Variants in SCN9A observed in about 807,000 individuals in gnomAD.
The protein encoded by SCN9A is sodium voltage-gated channel alpha subunit 9.
A neutral mutation model predicts 187.0 loss-of-function variants in SCN9A; 131 were observed. That is an observed-to-expected ratio of 0.70 (90% CI 0.61 to 0.81). SCN9A has a LOEUF of 0.81. Among genes scored for constraint, SCN9A ranks in the 30% least tolerant of loss-of-function variants. The probability of loss-of-function intolerance (pLI) is 0.00; values close to 1 mark genes in which losing one functional copy is unlikely to be tolerated. For synonymous variants in SCN9A, 809 were observed against 808.6 expected (o/e 1.00, Z -0.01); for missense variants, 2,252 against 2,396.6 (o/e 0.94, Z 1.26).
intron 1 of SCN9A, among the ~76,000 whole-genome samples, chr2:166,337,227 G>C (rs903122396): frequency 6.6e-6 from 1 of 152,102 alleles, no homozygotes; most frequent in South Asian, 2.1e-4. Flanking sequence ...TTACTTTCAG[G>C]TATCTGACTT....
intron 1 of SCN9A, among the ~76,000 whole-genome samples, chr2:166,312,440 T>C (rs1470555549): frequency 6.6e-6 from 1 of 152,148 alleles, no homozygotes; most frequent in African/African-American, 2.4e-5. Flanking sequence ...ATCACTGAAG[T>C]CTTAAACCTC....
At chr2:166,221,825 T>C (rs80066417) in intron 24 of SCN9A, among the ~76,000 whole-genome samples, 3,145 of 152,096 alleles carry the variant, frequency 0.021, 119 homozygotes, top group African/African-American at 0.073. Flanking sequence ...CATGCATAAA[T>C]AGTTAACTCA....
At chr2:166,368,699 A>AG (rs1209457892) in intron 1 of SCN9A, among the ~76,000 whole-genome samples, 44 of 151,202 alleles carry the variant, frequency 2.9e-4, no homozygotes, top group African/African-American at 8.7e-4. Context: ...AAAAAAAAAA[A>AG]AAAAGAGGCT....
At chr2:166,251,287 G>A (rs1250838897) in intron 18 of SCN9A, among the ~76,000 whole-genome samples, 1 of 152,006 alleles carries the variant, frequency 6.6e-6, no homozygotes, top group Non-Finnish European at 1.5e-5. Flanking sequence ...ATAGAGAGAG[G>A]AACTCAGAAC....
At chr2:166,263,007 C>T (rs951416220) in intron 17 of SCN9A, among the ~76,000 whole-genome samples, 2 of 151,944 alleles carry the variant, frequency 1.3e-5, no homozygotes, top group Non-Finnish European at 2.9e-5. Flanking sequence ...GCTGAAGGCT[C>T]ACATCTGAAT....
chr2:166,291,704 G>A (rs180916629), intron 9 of SCN9A, among the ~76,000 whole-genome samples: 9 of 152,280 alleles, frequency 5.9e-5, no homozygotes, highest in Admixed American at 4.6e-4. Flanking sequence ...AAACAGCATG[G>A]TAGTGGTACC....
intron 1 of SCN9A, among the ~76,000 whole-genome samples, chr2:166,358,434 T>C (rs1296018901): frequency 2.6e-5 from 4 of 152,248 alleles, no homozygotes; most frequent in Admixed American, 2.0e-4. Context: ...CAGGGATCTT[T>C]TCATATCCTC....
chr2:166,332,856 TA>T (rs1699538923), intron 1 of SCN9A, among the ~76,000 whole-genome samples: 1 of 151,900 alleles, frequency 6.6e-6, no homozygotes, highest in South Asian at 2.1e-4. Context: ...TGCAGGACCA[TA>T]AGCCTTCCAT....
At chr2:166,328,015 C>T (rs1476614902) in intron 1 of SCN9A, among the ~76,000 whole-genome samples, 1 of 152,136 alleles carries the variant, frequency 6.6e-6, no homozygotes, top group East Asian at 1.9e-4. Flanking sequence ...TACCTGGGAA[C>T]TTTTAAGAGT....
In SCN9A at chr2:166,197,837, G is replaced by T. The variant is rs199955941; in HGVS notation, c.*835C>A. 8 of 152,234 alleles carry T rather than the reference G, an allele frequency of 5.3e-5. No homozygotes were observed. The South Asian group carries it at 1.5e-3, about 28-fold the overall frequency. 9.4% of individuals were successfully genotyped at this position (152,234 alleles called of 1,614,324 possible). ...TAGGCTATGTAAATAATAGCAAATA[G>T]AACTTCTGTCAATAACTTTTTTCTC... On this transcript the variant is annotated 3_prime_UTR_variant, in exon 27 of 27. Coordinates refer to ENST00000642356, the MANE Select transcript of SCN9A (RefSeq NM_001365536.1).
intron 1 of SCN9A, among the ~76,000 whole-genome samples, chr2:166,316,521 T>C (rs1699112423): frequency 1.3e-5 from 2 of 152,102 alleles, no homozygotes; most frequent in South Asian, 4.1e-4. Context: ...TGTGAAACCC[T>C]GTCTCTACTA....
At position 166,306,939 on chromosome 2, in the gene SCN9A, C is replaced by A. The variant is rs1698778478; in HGVS notation, c.377+17G>T. The A allele has an allele frequency of 2.1e-6, 3 of 1,415,766 alleles. No individual in the cohort carries two copies. Among genetic ancestry groups the A allele is most frequent in the Non-Finnish European group, 3.0e-6 (3 of 1,009,040 alleles). The allele number at this position is 1,415,766 out of a possible 1,614,324, so 87.7% of individuals were successfully genotyped here. On this transcript the variant is annotated intron_variant, in intron 3 of 26. Transcript: ENST00000642356. ...ACCATAAAGTGCCACTGGATGTAAT[C>A]ATTTTTAAAAGGATATGAGTGTACT...
At chr2:166,313,273 G>C (rs1349184029) in intron 1 of SCN9A, among the ~76,000 whole-genome samples, 1 of 152,112 alleles carries the variant, frequency 6.6e-6, no homozygotes, top group African/African-American at 2.4e-5. Flanking sequence ...GAGTCAGCCT[G>C]TTCGTTGAAG....
chr2:166,375,753 G>A lies in SCN9A; in HGVS notation c.-107C>T, dbSNP rs914325594. 6.6e-6 allele frequency: 1 copy of A among 152,314 alleles called. No homozygotes were observed. Among genetic ancestry groups the A allele is most frequent in the Non-Finnish European group, 1.5e-5 (1 of 68,132 alleles). 9.4% of individuals were successfully genotyped at this position (152,314 alleles called of 1,614,324 possible). Reference sequence around the variant, plus strand: ...AGTGCACCTGCAGAATCTGGCTCCAGGAGAGGGCGCGGGCCTCTCCTTCCC... The same window carrying A: ...AGTGCACCTGCAGAATCTGGCTCCAAGAGAGGGCGCGGGCCTCTCCTTCCC... On this transcript the variant is annotated 5_prime_UTR_variant, in exon 1 of 27. Coordinates refer to ENST00000642356, the MANE Select transcript of SCN9A (RefSeq NM_001365536.1).
chr2:166,198,594 T>C lies in SCN9A; in HGVS notation c.*78A>G, dbSNP rs2106335265. On this transcript the variant is annotated 3_prime_UTR_variant, in exon 27 of 27. Coordinates refer to ENST00000642356, the MANE Select transcript of SCN9A (RefSeq NM_001365536.1). ...TATTTTGATAAAAAGGATTTTGGCATAGACTTCCTCAAAAGAGTTTTATTA... is the reference window on the plus strand; with the variant it reads ...TATTTTGATAAAAAGGATTTTGGCACAGACTTCCTCAAAAGAGTTTTATTA... 2.7e-6 allele frequency: 3 copies of C among 1,123,032 alleles called. No individual in the cohort carries two copies. Among genetic ancestry groups the C allele is most frequent in the East Asian group, 5.1e-5 (2 of 38,960 alleles). 69.6% of individuals were successfully genotyped at this position (1,123,032 alleles called of 1,614,324 possible).
chr2:166,218,015 A>G (rs1694410066), intron 24 of SCN9A, among the ~76,000 whole-genome samples: 1 of 151,988 alleles, frequency 6.6e-6, no homozygotes, highest in African/African-American at 2.4e-5. Flanking sequence ...CTTTTGCTGC[A>G]ATTAAAAGTA....
intron 1 of SCN9A, among the ~76,000 whole-genome samples, chr2:166,369,388 T>C (rs1045620474): frequency 6.6e-6 from 1 of 152,182 alleles, no homozygotes; most frequent in South Asian, 2.1e-4. Flanking sequence ...AGAGATGTAA[T>C]ATAAATTTTG....
chr2:166,332,966 A>C (rs1331303597), intron 1 of SCN9A, among the ~76,000 whole-genome samples: 1 of 151,192 alleles, frequency 6.6e-6, no homozygotes, highest in African/African-American at 2.4e-5. Flanking sequence ...ATTTTATTAT[A>C]TTTCAAAAAT....
intron 24 of SCN9A, among the ~76,000 whole-genome samples, chr2:166,208,230 T>A (rs1245916695): frequency 6.6e-6 from 1 of 152,214 alleles, no homozygotes; most frequent in Admixed American, 6.5e-5. Flanking sequence ...TAATAAAGAC[T>A]TCTTCACTTC....
Sources: gnomAD v4.1 joint callset for allele counts (sites outside exome capture counted in the v4.1 genomes callset) on GRCh38, gnomAD v4.1.1 for gene constraint, MANE v1.5 for transcripts, NCBI Gene and HGNC (gene_info 2026-07-23, HGNC 2026-07-21) for gene names.